Variants in C5orf22 observed in about 807,000 individuals in gnomAD.
C5orf22 encodes chromosome 5 open reading frame 22, also known as UPF0489 protein C5orf22.
In C5orf22, 36 loss-of-function variants were observed where a neutral mutation model predicts 48.7. The ratio of observed to expected loss-of-function variants is 0.74; its 90% confidence interval spans 0.57 to 0.98. The LOEUF (loss-of-function observed/expected upper bound fraction) is 0.98. Among genes scored for constraint, C5orf22 ranks in the 50% least tolerant of loss-of-function variants. The pLI, the probability that C5orf22 is intolerant of heterozygous loss-of-function variation, is 0.00. For missense variants in C5orf22, 486 were observed against 521.9 expected, an observed-to-expected ratio of 0.93 and a Z score of 0.67; for synonymous variants, 141 against 180.8, an observed-to-expected ratio of 0.78 and a Z score of 1.76.
chr5:31,549,517 C>T (rs1252290938), intron 7 of C5orf22, among the ~76,000 whole-genome samples: 2 of 151,932 alleles, frequency 1.3e-5, no homozygotes, highest in African/African-American at 4.8e-5. Context: ...TGAATAAACA[C>T]TTCCAAGACT....
At chr5:31,534,656 T>A (rs1741966480) in intron 2 of C5orf22, 1 of 462,000 alleles carries the variant, frequency 2.2e-6, no homozygotes, top group Non-Finnish European at 3.9e-6. Context: ...TCTTTGCCTT[T>A]GTAGTGTGAA....
At chr5:31,538,159 T>C in intron 3 of C5orf22, 101 bp from the exon 4 acceptor site, 1 of 850,848 alleles carries the variant, frequency 1.2e-6, no homozygotes, top group African/African-American at 1.7e-5. Context: ...CTGCTCTCAG[T>C]TTTTGTCAAA....
Position 31,538,490 on chromosome 5 carries a change from A to G in C5orf22, c.608A>G (p.Glu203Gly). The change falls in exon 4 of 9, where the codon GAA becomes GGA. Residue 203 changes from glutamate (E) to glycine (G), a missense_variant. Around this residue, in one of 3 missense-constraint regions of C5orf22, gnomAD observed 408 missense variants for 444.0 expected, o/e 0.92. Transcript: ENST00000325366. The stretch of plus-strand genomic sequence containing the variant: ...TGTGACTCTTCTTCAGAAGGACTGG[A>G]AAAGGACACAGCAACACAGAGAAGT... ...TNCDSSSEGL[E>G]KDTATQRSDQ... 6.2e-7 allele frequency: 1 copy of G among 1,614,174 alleles called. No individual in the cohort carries two copies. The highest frequency in any genetic ancestry group is 1.1e-5 in the South Asian group (1 of 91,082).
chr5:31,537,717 C>T (rs1742184883), intron 3 of C5orf22, among the ~76,000 whole-genome samples: 2 of 152,136 alleles, frequency 1.3e-5, no homozygotes, highest in Admixed American at 1.3e-4. Context: ...AAATTTTTCT[C>T]TTCAATGATT....
intron 2 of C5orf22, chr5:31,535,185 G>A (rs1250524291): frequency 2.9e-6 from 1 of 341,108 alleles, no homozygotes; most frequent in African/African-American, 2.2e-5. Context: ...CAGCAATTCA[G>A]TATCAAGTGT....
At position 31,552,880 on chromosome 5, in the gene C5orf22, C is replaced by CA; in HGVS notation, c.1308dup (p.Ala437SerfsTer13). The CA allele has an allele frequency of 6.2e-7, 1 of 1,613,758 alleles. No individual in the cohort carries two copies. The highest frequency in any genetic ancestry group is 1.1e-5 in the South Asian group (1 of 91,072). On this transcript the variant is annotated frameshift_variant, in exon 9 of 9. Coordinates refer to ENST00000325366, the MANE Select transcript of C5orf22 (RefSeq NM_018356.3). LOFTEE classifies it high-confidence loss of function. ...GGAAATCTAGACCTCCAAGTGTATGCAGCAGAGTCTCCTCCATCTTGAAAC... is the reference window on the plus strand; with the variant it reads ...GGAAATCTAGACCTCCAAGTGTATGCAAGCAGAGTCTCCTCCATCTTGAAAC...
At chr5:31,533,650 G>C (rs1741867986) in intron 1 of C5orf22, among the ~76,000 whole-genome samples, 1 of 152,030 alleles carries the variant, frequency 6.6e-6, no homozygotes. Flanking sequence ...GGCCTTTATA[G>C]ACCACCTAGC....
Position 31,538,916 on chromosome 5 carries a change from A to G in C5orf22, c.807+227A>G, listed in dbSNP as rs58568058. ...ACAGGCTATAGGCTGTGGATTGCCA[A>G]CTCCTGCTCTAGATAGTATTCATTA... On this transcript the variant is annotated intron_variant, in intron 4 of 8. Coordinates refer to ENST00000325366, the MANE Select transcript of C5orf22 (RefSeq NM_018356.3). Among the ~76,000 whole-genome samples the G allele has an allele frequency of 4.7e-3, 712 of 152,162 alleles. 2 individuals carry two copies. Among genetic ancestry groups the G allele is most frequent in the African/African-American group, 0.017 (686 of 41,526 alleles).
Position 31,541,421 on chromosome 5 carries a change from T to G in C5orf22, c.992+19T>G, listed in dbSNP as rs779896630. On this transcript the variant is annotated intron_variant, in intron 6 of 8. Coordinates refer to ENST00000325366, the MANE Select transcript of C5orf22 (RefSeq NM_018356.3). The stretch of plus-strand genomic sequence containing the variant: ...ACCCTGGGTAAGACTCTCAAACATT[T>G]TTTTCCCCCAACTCTACTAACTTTC... 7.5e-6 allele frequency: 12 copies of G among 1,610,040 alleles called. No individual in the cohort carries two copies. Among genetic ancestry groups the G allele is most frequent in the Non-Finnish European group, 1.0e-5 (12 of 1,177,944 alleles).
intron 6 of C5orf22, among the ~76,000 whole-genome samples, chr5:31,544,306 G>A (rs1196875141): frequency 7.9e-5 from 12 of 152,182 alleles, no homozygotes; most frequent in Non-Finnish European, 1.0e-4. Context: ...CAATGTGGCC[G>A]GGCGCGATGG....
chr5:31,541,131 TG>T, intron 5 of C5orf22, 120 bp downstream of exon 5: 1 of 956,064 alleles, frequency 1.0e-6, no homozygotes, highest in Non-Finnish European at 1.6e-6. Context: ...TGTGTGTGTG[TG>T]TGTGTGTGTG....
Position 31,552,908 on chromosome 5 carries a change from A to G in C5orf22, c.*6A>G, listed in dbSNP as rs1580467049. 6.2e-7 allele frequency: 1 copy of G among 1,612,964 alleles called. No individual in the cohort carries two copies. The highest frequency in any genetic ancestry group is 1.7e-5 in the Admixed American group (1 of 59,920). On this transcript the variant is annotated 3_prime_UTR_variant, in exon 9 of 9. Transcript: ENST00000325366. ...CAGAGTCTCCTCCATCTTGAAACAA[A>G]CAAAACATTAGGCTCCTGTTGTATC...
Position 31,541,290 on chromosome 5 carries a change from G to A in C5orf22, c.880G>A (p.Val294Ile). 1.9e-6 allele frequency: 3 copies of A among 1,610,734 alleles called. No homozygotes were observed. The highest frequency in any genetic ancestry group is 2.2e-5 in the South Asian group (2 of 90,976). Residue 294 changes from valine (V) to isoleucine (I), a missense_variant, in exon 6 of 9, where the codon GTA (valine) becomes ATA (isoleucine). Physicochemically the swap from Val to Ile is conservative, Grantham distance 29. Transcript: ENST00000325366. ...PGTNLTEEDL[V>I]DIVDTRIHQL... ...TTCAATGTATTTAAAGGAAGATTTG[G>A]TAGATATTGTTGATACTCGAATTCA...
At chr5:31,545,593 AT>A (rs1742832940) in intron 6 of C5orf22, 52 bp from the exon 7 acceptor site, 1 of 1,250,574 alleles carries the variant, frequency 8.0e-7, no homozygotes, top group Non-Finnish European at 1.2e-6. Context: ...TGCTATTATC[AT>A]TTTAGTTGTG....
chr5:31,544,814 T>C (rs557227879), intron 6 of C5orf22, among the ~76,000 whole-genome samples: 8 of 152,044 alleles, frequency 5.3e-5, no homozygotes, highest in African/African-American at 1.2e-4. Flanking sequence ...TGTTCACTTA[T>C]AGTCCCAGCT....
Position 31,553,550 on chromosome 5 carries a change from CTGCCTT to C in C5orf22, c.*649_*654del, listed in dbSNP as rs1450541667. 6.6e-6 allele frequency: 1 copy of C among 151,760 alleles called. No individual in the cohort carries two copies. The highest frequency in any genetic ancestry group is 1.5e-5 in the Non-Finnish European group (1 of 68,002). 9.4% of individuals were successfully genotyped at this position (151,760 alleles called of 1,614,324 possible). A position where few individuals can be genotyped will look rare whatever the true frequency, so the allele number is the denominator to read the frequency against. On this transcript the variant is annotated 3_prime_UTR_variant, in exon 9 of 9. Transcript: ENST00000325366. ...AAACTCCTGGGCACAAGCAATCCACCTGCCTTCGCCTCCCGAAGTGCTGGGATTACA... is the reference window on the plus strand; with the variant it reads ...AAACTCCTGGGCACAAGCAATCCACCCGCCTCCCGAAGTGCTGGGATTACA...
At chr5:31,545,915 CTT>C (rs1561327743) in intron 7 of C5orf22, among the ~76,000 whole-genome samples, 1 of 151,948 alleles carries the variant, frequency 6.6e-6, no homozygotes, top group African/African-American at 2.4e-5. Context: ...CCAGGAAAAA[CTT>C]TTTTTTCTCA....
chr5:31,546,130 AAAG>A (rs748480068), intron 7 of C5orf22, among the ~76,000 whole-genome samples: 4 of 152,332 alleles, frequency 2.6e-5, no homozygotes, highest in Non-Finnish European at 5.9e-5. Context: ...GACAAAGAAA[AAAG>A]AGAGAGCTGT....
chr5:31,534,395 T>A lies in C5orf22; in HGVS notation c.205T>A (p.Phe69Ile), dbSNP rs565243950. The A allele has an allele frequency of 6.2e-7, 1 of 1,611,514 alleles. No homozygotes were observed. Among genetic ancestry groups the A allele is most frequent in the African/African-American group, 1.3e-5 (1 of 74,916 alleles). ...TGTGAATATGCCAGCAGACACCGTG[T>A]TTGATAAGGAAACACTCTTTGGGTA... ...IPVNMPADTV[F>I]DKETLFGELS... The change falls in exon 2 of 9, where the codon TTT becomes ATT. Residue 69 changes from phenylalanine (F) to isoleucine (I), a missense_variant. Transcript: ENST00000325366.
Sources: gnomAD v4.1 joint callset for allele counts (sites outside exome capture counted in the v4.1 genomes callset) on GRCh38, gnomAD v4.1.1 for gene constraint, gnomAD v4.1.1 regional missense constraint, MANE v1.5 for transcripts, NCBI Gene and HGNC (gene_info 2026-07-23, HGNC 2026-07-21) for gene names.